Variants in SORBS2 observed in about 807,000 individuals in gnomAD.
SORBS2 encodes the protein sorbin and SH3 domain containing 2.
Under a neutral mutation model 97.7 loss-of-function variants are expected in SORBS2, and 46 were observed. That is an observed-to-expected ratio of 0.47 (90% CI 0.37 to 0.60). SORBS2 has a LOEUF of 0.60. Ranked by LOEUF, SORBS2 falls within the 20% of genes least tolerant of loss-of-function variation. The pLI is 0.00. For synonymous variants in SORBS2, 476 were observed against 473.4 expected (o/e 1.01, Z -0.07); for missense variants, 1,316 against 1,282.3 (o/e 1.03, Z -0.40).
intron 2 of SORBS2, among the ~76,000 whole-genome samples, chr4:185,743,320 C>T (rs1229598109): frequency 6.6e-6 from 1 of 152,138 alleles, no homozygotes; most frequent in Non-Finnish European, 1.5e-5. Flanking sequence ...TCAACTCTCT[C>T]TCTGGCATAC....
intron 1 of SORBS2, among the ~76,000 whole-genome samples, chr4:185,901,743 G>A (rs2099247886): frequency 1.3e-5 from 2 of 152,018 alleles, no homozygotes; most frequent in South Asian, 2.1e-4. Context: ...TCAGGGTTTC[G>A]AACAATGAAT....
chr4:185,615,064 A>G, exon 10 of SORBS2: 1 of 1,613,882 alleles, frequency 6.2e-7, no homozygotes, highest in Non-Finnish European at 8.5e-7. Flanking sequence ...TGAGATCGGG[A>G]AGATGCCCAC....
intron 1 of SORBS2, chr4:185,812,908 A>C (rs966366216): frequency 3.3e-5 from 5 of 152,242 alleles, no homozygotes; most frequent in African/African-American, 1.2e-4. Flanking sequence ...TTTTTAAAAA[A>C]TCCGCACCTA....
intron 1 of SORBS2, among the ~76,000 whole-genome samples, chr4:185,824,037 G>C (rs1166515076): frequency 6.6e-6 from 1 of 152,030 alleles, no homozygotes; most frequent in South Asian, 2.1e-4. Flanking sequence ...TCATTTTTTT[G>C]TATCAAAATG....
At chr4:185,845,049 G>A (rs2099213768) in intron 1 of SORBS2, among the ~76,000 whole-genome samples, 1 of 149,222 alleles carries the variant, frequency 6.7e-6, no homozygotes, top group African/African-American at 2.5e-5. Flanking sequence ...GTCTTGCTCT[G>A]TCACCCAGGC....
chr4:185,891,277 G>A (rs1418215561), intron 1 of SORBS2, among the ~76,000 whole-genome samples: 1 of 152,162 alleles, frequency 6.6e-6, no homozygotes, highest in Non-Finnish European at 1.5e-5. Flanking sequence ...GAAAATTATT[G>A]CAGTGAAAGA....
chr4:185,641,126 C>A (rs1004682832), intron 4 of SORBS2, among the ~76,000 whole-genome samples: 2 of 134,212 alleles, frequency 1.5e-5, no homozygotes, highest in African/African-American at 5.2e-5. Flanking sequence ...TATAGTAATG[C>A]ATCTCTATGA....
chr4:185,721,084 C>CTTTTTT (rs1160319469), intron 2 of SORBS2, among the ~76,000 whole-genome samples: 2,485 of 92,014 alleles, frequency 0.027, 319 homozygotes, highest in African/African-American at 0.094. Context: ...CCCACCTATT[C>CTTTTTT]TTTTTTTTTT....
chr4:185,653,475 A>C (rs1309670171), intron 1 of SORBS2, among the ~76,000 whole-genome samples: 2 of 152,190 alleles, frequency 1.3e-5, no homozygotes, highest in East Asian at 1.9e-4. Context: ...TTGGTTCCTT[A>C]AATTGCTGCT....
chr4:185,638,280 C>T (rs1305062573), intron 4 of SORBS2, 118 bp from the exon 15 acceptor site: 4 of 710,014 alleles, frequency 5.6e-6, no homozygotes, highest in African/African-American at 1.7e-5. Context: ...TCAACTCTCA[C>T]CCCACGAACC....
intron 1 of SORBS2, among the ~76,000 whole-genome samples, chr4:185,875,830 C>G (rs2099233281): frequency 6.6e-6 from 1 of 152,200 alleles, no homozygotes; most frequent in Admixed American, 6.5e-5. Flanking sequence ...TCTGTATTGT[C>G]TTTTGACTTG....
intron 1 of SORBS2, among the ~76,000 whole-genome samples, chr4:185,845,872 G>A (rs2099214244): frequency 2.0e-5 from 3 of 152,124 alleles, no homozygotes; most frequent in African/African-American, 7.2e-5. Flanking sequence ...CCTTTCAACT[G>A]GCCAAAATAT....
In SORBS2 at chr4:185,623,288, T is replaced by C. The variant is rs1249827130; in HGVS notation, c.1841A>G (p.Lys614Arg). 1.2e-6 allele frequency: 2 copies of C among 1,614,142 alleles called. No homozygotes were observed. The highest frequency in any genetic ancestry group is 2.2e-5 in the South Asian group (2 of 91,082). ...AGTCTGTTTCTTAGGAGCCGAATTT[T>C]TTTTCCTCCGGAAAGGCACAGGACT... The change falls in exon 7 of 15, where the codon AAA becomes AGA. Residue 614 changes from lysine (K) to arginine (R), a missense_variant. Physicochemically the swap from Lys to Arg is conservative, Grantham distance 26. Coordinates refer to ENST00000418609, the Ensembl canonical transcript of SORBS2. The surrounding 1 kb of genome is among the most constrained non-coding windows in gnomAD (Gnocchi z 6.4).
At chr4:185,771,999 C>T (rs576212507) in intron 2 of SORBS2, 2 of 152,038 alleles carry the variant, frequency 1.3e-5, no homozygotes, top group Non-Finnish European at 2.9e-5. Flanking sequence ...TGCTTGGTGT[C>T]TCTAATGAGA....
At chr4:185,841,429 G>A (rs879389100) in intron 1 of SORBS2, among the ~76,000 whole-genome samples, 3 of 152,110 alleles carry the variant, frequency 2.0e-5, no homozygotes, top group Admixed American at 2.0e-4. Flanking sequence ...GGGCTGGATT[G>A]TCAGCGTTTC....
chr4:185,899,974 TGCA>T lies in SORBS2; in HGVS notation c.-338+56219_-338+56221del, dbSNP rs572212195. On this transcript the variant is annotated intron_variant, in intron 1 of 20. Coordinates refer to the SORBS2 transcript ENST00000284776. ...ACGGCACTAGAAAGGAGGAGACAGCTGCACATGGTGGCACACATCTGTAGTCTC... is the reference window on the plus strand; with the variant it reads ...ACGGCACTAGAAAGGAGGAGACAGCTCATGGTGGCACACATCTGTAGTCTC... Among the ~76,000 whole-genome samples the T allele has an allele frequency of 2.0e-3, 303 of 152,248 alleles. 1 individual carries two copies. Among genetic ancestry groups the T allele is most frequent in the African/African-American group, 7.0e-3 (290 of 41,550 alleles).
At chr4:185,716,159 C>T (rs1017181662) in intron 2 of SORBS2, among the ~76,000 whole-genome samples, 10 of 152,266 alleles carry the variant, frequency 6.6e-5, no homozygotes, top group Non-Finnish European at 1.5e-4. Context: ...TGCTGCTCAA[C>T]TCCCAGACAG....
At chr4:185,855,397 G>A (rs1235694232) in intron 1 of SORBS2, among the ~76,000 whole-genome samples, 2 of 152,064 alleles carry the variant, frequency 1.3e-5, no homozygotes, top group Non-Finnish European at 2.9e-5. Flanking sequence ...GTTTATGAGT[G>A]TACCTCAGAA....
chr4:185,808,919 T>C (rs535399858), intron 1 of SORBS2, among the ~76,000 whole-genome samples: 2 of 152,302 alleles, frequency 1.3e-5, no homozygotes, highest in African/African-American at 4.8e-5. Flanking sequence ...AGAAAAATAG[T>C]ATTATTTATA....
Sources: allele counts gnomAD v4.1 joint callset (sites outside exome capture counted in the v4.1 genomes callset), GRCh38; gene constraint gnomAD v4.1.1; non-coding constraint Gnocchi (gnomAD v3.1); transcripts MANE v1.5; gene names NCBI Gene and HGNC (gene_info 2026-07-23, HGNC 2026-07-21).